CTNNA2: variants seen among roughly 807,000 people sequenced by gnomAD.
The protein encoded by CTNNA2 is catenin alpha-2.
CTNNA2 carries 42 observed loss-of-function variants against 101.0 expected under a neutral mutation model. That is an observed-to-expected ratio of 0.42 (90% CI 0.32 to 0.54). The LOEUF is 0.54. CTNNA2 is among the 20% of genes least tolerant of loss of function. The pLI, the probability that CTNNA2 is intolerant of heterozygous loss-of-function variation, is 0.14. For missense variants in CTNNA2, 871 were observed against 1,223.1 expected, an observed-to-expected ratio of 0.71 and a Z score of 4.29; for synonymous variants, 450 against 456.4, an observed-to-expected ratio of 0.99 and a Z score of 0.18.
chr2:79,279,326 G>A (rs1675299563), intron 2 of CTNNA2, among the ~76,000 whole-genome samples: 1 of 152,054 alleles, frequency 6.6e-6, no homozygotes, highest in African/African-American at 2.4e-5. Context: ...GTTGCCCAGT[G>A]GGATTGGAAG....
chr2:79,889,943 A>T (rs932536534), intron 6 of CTNNA2, among the ~76,000 whole-genome samples: 20 of 152,190 alleles, frequency 1.3e-4, no homozygotes, highest in African/African-American at 4.8e-4. Context: ...TGGCCATTCT[A>T]TGTGACAGGA....
At chr2:79,965,336 A>AT (rs2104548468) in intron 7 of CTNNA2, among the ~76,000 whole-genome samples, 1 of 152,320 alleles carries the variant, frequency 6.6e-6, no homozygotes, top group East Asian at 1.9e-4. Context: ...GTTACATGGA[A>AT]TATGTGGGTC....
At chr2:80,087,516 G>A (rs2148814919) in intron 7 of CTNNA2, among the ~76,000 whole-genome samples, 1 of 152,126 alleles carries the variant, frequency 6.6e-6, no homozygotes, top group South Asian at 2.1e-4. Flanking sequence ...TGGGTCTGAG[G>A]ATTTTTATGT....
chr2:79,898,150 T>A (rs1400719250), intron 6 of CTNNA2, among the ~76,000 whole-genome samples: 8 of 152,152 alleles, frequency 5.3e-5, no homozygotes, highest in Non-Finnish European at 2.9e-5. Flanking sequence ...TTTTCTTTTT[T>A]TGAGATGGAG....
chr2:80,211,945 T>C (rs1349329417), intron 7 of CTNNA2, among the ~76,000 whole-genome samples: 2 of 152,192 alleles, frequency 1.3e-5, no homozygotes, highest in African/African-American at 2.4e-5. Flanking sequence ...CCCTTGTAAG[T>C]TGGGTTCCTA....
Position 79,669,716 on chromosome 2 carries a change from G to A in CTNNA2, c.102+18058G>A, listed in dbSNP as rs372020465. 2.0e-5 allele frequency among the ~76,000 whole-genome samples: 3 copies of A among 152,166 alleles called. No individual in the cohort carries two copies. The East Asian group carries it at 5.8e-4, about 29-fold the overall frequency. ...TGGCAGGTCGTCTCTGCAGCTCTCAGTGAAGAGGGTGCTCCTCTCTGCAGC... is the reference window on the plus strand; with the variant it reads ...TGGCAGGTCGTCTCTGCAGCTCTCAATGAAGAGGGTGCTCCTCTCTGCAGC... On this transcript the variant is annotated intron_variant, in intron 2 of 18. Transcript: ENST00000402739.
chr2:79,265,394 G>T (rs761167928), intron 2 of CTNNA2, among the ~76,000 whole-genome samples: 1 of 152,138 alleles, frequency 6.6e-6, no homozygotes, highest in Admixed American at 6.6e-5. Flanking sequence ...CTATTGGAGG[G>T]ATGTAGCTTT....
chr2:80,532,529 A>T (rs1293047674), intron 9 of CTNNA2, among the ~76,000 whole-genome samples: 1 of 152,146 alleles, frequency 6.6e-6, no homozygotes, highest in Admixed American at 6.5e-5. Context: ...TAATGCTGGG[A>T]TATTTTTACA....
At chr2:79,420,364 G>A (rs2104501230) in intron 4 of CTNNA2, among the ~76,000 whole-genome samples, 1 of 152,010 alleles carries the variant, frequency 6.6e-6, no homozygotes, top group East Asian at 1.9e-4. Flanking sequence ...ATATAATTGT[G>A]CAAAATCCTG....
chr2:79,817,370 A>C (rs1677603991), intron 3 of CTNNA2, among the ~76,000 whole-genome samples: 1 of 127,738 alleles, frequency 7.8e-6, no homozygotes, highest in Non-Finnish European at 1.6e-5. Context: ...ATCAGTGACT[A>C]AATGTGGTCA....
chr2:79,905,922 G>A (rs1400413446), intron 6 of CTNNA2, among the ~76,000 whole-genome samples: 1 of 152,066 alleles, frequency 6.6e-6, no homozygotes, highest in Admixed American at 6.6e-5. Flanking sequence ...TCCAGGGGTT[G>A]GTTTTTTATT....
intron 7 of CTNNA2, among the ~76,000 whole-genome samples, chr2:80,193,443 G>A (rs934383053): frequency 2.6e-5 from 4 of 152,178 alleles, no homozygotes; most frequent in Non-Finnish European, 4.4e-5. Context: ...TGTAAGTCAG[G>A]CATGTATGCA....
rs199623099 is a variant in CTNNA2, at chr2:79,477,146, ATTTCTTTTT to A, written c.-134-27886_-134-27878del. ...CATTGCATCATTTCTTTTTCTTTTT[ATTTCTTTTT>A]TTTCTTTTTTTTCTTTTTTTTTTTT... On this transcript the variant is annotated intron_variant, in intron 4 of 21. Coordinates refer to the CTNNA2 transcript ENST00000466387. 2.1e-3 allele frequency among the ~76,000 whole-genome samples: 301 copies of A among 144,132 alleles called. No homozygotes were observed. The Middle Eastern group carries it at 0.027, about 13-fold the overall frequency. 94.6% of individuals were successfully genotyped at this position (144,132 alleles called of 152,430 possible).
Position 80,198,961 on chromosome 2 carries a change from T to G in CTNNA2, c.1057-194250T>G, listed in dbSNP as rs573600090. 2.0e-5 allele frequency among the ~76,000 whole-genome samples: 3 copies of G among 151,950 alleles called. No homozygotes were observed. The South Asian group carries it at 6.2e-4, about 32-fold the overall frequency. ...ACATTTGGAGGCCAAGGCGGGCATA[T>G]CACGAGGTCAAGAGTTCAAGACCAA... On this transcript the variant is annotated intron_variant, in intron 7 of 18. Transcript: ENST00000402739.
rs181700742 is a variant in CTNNA2, at chr2:79,713,506, C to T, written c.103-30881C>T. Among the ~76,000 whole-genome samples, 288 of 152,254 alleles carry T rather than the reference C, an allele frequency of 1.9e-3. 2 individuals are homozygous for T. The highest frequency in any genetic ancestry group is 6.7e-3 in the African/African-American group (278 of 41,562). On this transcript the variant is annotated intron_variant, in intron 2 of 18. Coordinates refer to ENST00000402739, the MANE Select transcript of CTNNA2 (RefSeq NM_001282597.3). ...TGCTGGGAATTGCTAAAATTGCATG[C>T]AGTATGTTGGTAAACAAAACTCACC...
chr2:79,382,707 G>A (rs1466722624), intron 4 of CTNNA2, among the ~76,000 whole-genome samples: 2 of 152,026 alleles, frequency 1.3e-5, no homozygotes, highest in Non-Finnish European at 2.9e-5. Flanking sequence ...TCTGCCTCCC[G>A]GGTTCATGCC....
chr2:79,473,474 AAAAAC>A (rs747083137), intron 4 of CTNNA2, among the ~76,000 whole-genome samples: 16 of 151,998 alleles, frequency 1.1e-4, no homozygotes, highest in Non-Finnish European at 2.2e-4. Context: ...TTCACTGCCA[AAAAAC>A]AAAACAAATA....
chr2:80,516,774 G>A (rs1689146356), intron 9 of CTNNA2, among the ~76,000 whole-genome samples: 1 of 152,190 alleles, frequency 6.6e-6, no homozygotes, highest in Non-Finnish European at 1.5e-5. Context: ...GGTCTCAAGT[G>A]AGCAAGAAAT....
chr2:80,525,200 T>A (rs1343111494), intron 9 of CTNNA2, among the ~76,000 whole-genome samples: 1 of 139,526 alleles, frequency 7.2e-6, no homozygotes, highest in Non-Finnish European at 1.5e-5. Context: ...ACAGCTAGAG[T>A]TTTTTTTTTT....
Sources: gnomAD v4.1 joint callset for allele counts (sites outside exome capture counted in the v4.1 genomes callset) on GRCh38, gnomAD v4.1.1 for gene constraint, MANE v1.5 for transcripts, NCBI Gene and HGNC (gene_info 2026-07-23, HGNC 2026-07-21) for gene names.